Variants in LMF1 observed in about 807,000 individuals in gnomAD.
LMF1 encodes transmembrane protein 112.
Under a neutral mutation model 60.6 loss-of-function variants are expected in LMF1, and 68 were observed. That is an observed-to-expected ratio of 1.12 (90% CI 0.92 to 1.37). The LOEUF is 1.37. Among genes scored for constraint, LMF1 ranks in the 40% most tolerant of loss-of-function variants. The pLI is 0.00. For synonymous variants in LMF1, 418 were observed against 324.7 expected (o/e 1.29, Z -3.09); for missense variants, 948 against 767.2 (o/e 1.24, Z -2.78).
At chr16:970,660 C>T in intron 1 of LMF1, 128 bp downstream of exon 1, 1 of 866,078 alleles carries the variant, frequency 1.2e-6, no homozygotes, top group South Asian at 2.0e-5. Flanking sequence ...GCCCGGGCCC[C>T]AGCAGGAAGG....
chr16:963,396 G>A (rs2072854628), intron 1 of LMF1, among the ~76,000 whole-genome samples: 1 of 152,144 alleles, frequency 6.6e-6, no homozygotes, highest in African/African-American at 2.4e-5. Flanking sequence ...GTGTCCCTGT[G>A]TGTATGTGTC....
chr16:868,241 G>A lies in LMF1; in HGVS notation c.1529+703C>T, dbSNP rs1003851370. Among the ~76,000 whole-genome samples the A allele has an allele frequency of 7.9e-5, 12 of 151,234 alleles. 1 individual carries two copies. The highest frequency in any genetic ancestry group is 2.9e-4 in the African/African-American group (12 of 41,246). On this transcript the variant is annotated intron_variant, in intron 10 of 10. Transcript: ENST00000262301. ...CCACACTGTCCTCAGATCCCCTCCC[G>A]TACCCCAGCGGGGCCCCATCCCTGC...
intron 1 of LMF1, among the ~76,000 whole-genome samples, chr16:955,012 C>A (rs1481148378): frequency 1.3e-5 from 2 of 151,468 alleles, no homozygotes; most frequent in African/African-American, 2.4e-5. Context: ...TGCGTGCCTG[C>A]AGCAGATGCG....
intron 2 of LMF1, among the ~76,000 whole-genome samples, chr16:945,781 C>T (rs1194588166): frequency 2.6e-5 from 4 of 152,092 alleles, no homozygotes; most frequent in African/African-American, 9.7e-5. Context: ...ACACATGTTA[C>T]GTGGCTTCAA....
intron 5 of LMF1, among the ~76,000 whole-genome samples, chr16:891,513 C>T (rs1483297790): frequency 2.6e-5 from 4 of 152,238 alleles, no homozygotes; most frequent in Admixed American, 6.5e-5. Context: ...CCACTGCTGT[C>T]GCCACCGGTG....
At chr16:930,352 C>T (rs767416469) in intron 3 of LMF1, among the ~76,000 whole-genome samples, 5 of 152,210 alleles carry the variant, frequency 3.3e-5, no homozygotes, top group African/African-American at 1.2e-4. Flanking sequence ...GAGATGTGAA[C>T]GGAGACCCAA....
chr16:978,001 C>G (rs1476658195), intron 1 of LMF1, among the ~76,000 whole-genome samples: 2 of 141,106 alleles, frequency 1.4e-5, no homozygotes, highest in Non-Finnish European at 3.0e-5. Flanking sequence ...CGCACACACA[C>G]ACACCACACA....
rs1225279795 is a variant in LMF1 at position 911,244 on chromosome 16, G to A, written c.515-165C>T. On this transcript the variant is annotated intron_variant, in intron 3 of 10. Coordinates refer to ENST00000262301, the MANE Select transcript of LMF1 (RefSeq NM_022773.4). ...ATTAGTCTCAACATCGACACGCAAG[G>A]TCAGGTCTGCAGGAGTGGGAGCTCT... 4.8e-6 allele frequency: 4 copies of A among 839,504 alleles called. No individual in the cohort carries two copies. The African/African-American group carries it at 6.8e-5, about 14-fold the overall frequency. 52.0% of individuals were successfully genotyped at this position (839,504 alleles called of 1,614,324 possible).
In LMF1 at chr16:979,312, T is replaced by C. The variant is rs1466957814; in HGVS notation, c.-135+1833A>G. ...TTGTGGGCACCACTCTGCATGGGGA[T>C]CCTCACCCACATACCGCCCTCCCGG... On this transcript the variant is annotated intron_variant, in intron 1 of 6. Transcript: ENST00000570014. The C allele has an allele frequency of 2.0e-5, 7 of 355,736 alleles. No individual in the cohort carries two copies. The Admixed American group carries it at 2.5e-4, about 13-fold the overall frequency. The allele number at this position is 355,736 out of a possible 1,614,324, so 22.0% of individuals were successfully genotyped here.
Position 897,962 on chromosome 16 carries a change from A to ATT in LMF1, c.664-4891_664-4890insAA, listed in dbSNP as rs1176188419. ...CACAGCTGCACCAGGAGCTGTGTAC[A>ATT]TGGCAGGCATCCTCTGCGTGGTGGG... On this transcript the variant is annotated intron_variant, in intron 4 of 10. Coordinates refer to ENST00000262301, the MANE Select transcript of LMF1 (RefSeq NM_022773.4). The surrounding 1 kb of genome is among the most constrained non-coding windows in gnomAD (Gnocchi z 4.3). Among the ~76,000 whole-genome samples the ATT allele has an allele frequency of 6.6e-6, 1 of 152,116 alleles. No homozygotes were observed. The highest frequency in any genetic ancestry group is 1.5e-5 in the Non-Finnish European group (1 of 68,006).
rs113340032 is a variant in LMF1, at chr16:883,229, G to A, written c.730-3492C>T. Among the ~76,000 whole-genome samples the A allele has an allele frequency of 1.7e-3, 247 of 144,786 alleles. 1 individual carries two copies. Among genetic ancestry groups the A allele is most frequent in the African/African-American group, 6.6e-3 (240 of 36,488 alleles). The allele number at this position is 144,786 out of a possible 152,430, so 95.0% of individuals were successfully genotyped here. A position where few individuals can be genotyped will look rare whatever the true frequency, so the allele number is the denominator to read the frequency against. On this transcript the variant is annotated intron_variant, in intron 5 of 10. Transcript: ENST00000262301. ...CATCACAGGACCAGGAGAAAGAGGA[G>A]CTGCTCAGCAGAGCCTATCACAGGA...
At chr16:888,602 A>G (rs2070380850) in intron 5 of LMF1, among the ~76,000 whole-genome samples, 1 of 152,202 alleles carries the variant, frequency 6.6e-6, no homozygotes, top group Admixed American at 6.5e-5. Flanking sequence ...CTGCTGTTGC[A>G]TCCGCGTCGT....
chr16:890,680 AC>A (rs556090242), intron 5 of LMF1, among the ~76,000 whole-genome samples: 11 of 151,810 alleles, frequency 7.2e-5, no homozygotes, highest in Non-Finnish European at 1.2e-4. Flanking sequence ...TGGGCACAGG[AC>A]CCCCCCATGT....
intron 3 of LMF1, among the ~76,000 whole-genome samples, chr16:913,266 C>T (rs1480297630): frequency 6.6e-6 from 1 of 152,232 alleles, no homozygotes; most frequent in Non-Finnish European, 1.5e-5. Context: ...CTGAGCACAC[C>T]CTGTGAGGAG....
At chr16:892,477 A>T (rs1397300086) in intron 5 of LMF1, among the ~76,000 whole-genome samples, 1 of 152,200 alleles carries the variant, frequency 6.6e-6, no homozygotes, top group Non-Finnish European at 1.5e-5. Context: ...CCATGTGAAC[A>T]CGTGAGCAGT....
intron 1 of LMF1, among the ~76,000 whole-genome samples, chr16:963,375 G>C (rs2072853927): frequency 6.6e-6 from 1 of 152,130 alleles, no homozygotes; most frequent in Non-Finnish European, 1.5e-5. Flanking sequence ...ATATGGGTAT[G>C]ACATGCCCAT....
chr16:889,908 T>C (rs571505709), intron 5 of LMF1, among the ~76,000 whole-genome samples: 174 of 152,294 alleles, frequency 1.1e-3, no homozygotes, highest in African/African-American at 3.9e-3. Context: ...GCAGCTCCTG[T>C]CCCAGCTGAG....
chr16:894,971 T>TGGGGA (rs1278192413), intron 4 of LMF1, among the ~76,000 whole-genome samples: 2 of 150,408 alleles, frequency 1.3e-5, no homozygotes, highest in African/African-American at 2.5e-5. Flanking sequence ...CGGGGCGGGG[T>TGGGGA]GGGGATGGCC....
chr16:974,505 G>T (rs2073099271), upstream of LMF1, among the ~76,000 whole-genome samples: 1 of 152,256 alleles, frequency 6.6e-6, no homozygotes, highest in Non-Finnish European at 1.5e-5. Flanking sequence ...TGCTGGGGGA[G>T]AAGACGCTGA....
Sources: gnomAD v4.1 joint callset for allele counts (sites outside exome capture counted in the v4.1 genomes callset) on GRCh38, gnomAD v4.1.1 for gene constraint, Gnocchi (gnomAD v3.1) non-coding constraint, MANE v1.5 for transcripts, NCBI Gene and HGNC (gene_info 2026-07-23, HGNC 2026-07-21) for gene names.